Variants in CSMD1 observed in about 807,000 individuals in gnomAD.
CSMD1 encodes the protein CUB and sushi domain-containing protein 1.
In CSMD1, 213 loss-of-function variants were observed where a neutral mutation model predicts 417.5. That is an observed-to-expected ratio of 0.51 (90% CI 0.46 to 0.57). CSMD1 has a LOEUF of 0.57. CSMD1 is among the 20% of genes least tolerant of loss of function. CSMD1 has a pLI of 0.00. For synonymous variants in CSMD1, 2,862 were observed against 1,736.8 expected (o/e 1.65, Z -16.11); for missense variants, 6,923 against 4,529.7 (o/e 1.53, Z -15.17).
chr8:4,400,338 G>A (rs192170842), intron 3 of CSMD1, among the ~76,000 whole-genome samples: 1 of 152,340 alleles, frequency 6.6e-6, no homozygotes, highest in African/African-American at 2.4e-5. Flanking sequence ...TGTTTTGTGT[G>A]TGTTATAAAT....
chr8:4,151,188 TTC>T (rs1468298906), intron 3 of CSMD1, among the ~76,000 whole-genome samples: 3 of 152,324 alleles, frequency 2.0e-5, no homozygotes, highest in African/African-American at 4.8e-5. Context: ...GCAAAATCCT[TTC>T]TGTTACCATA....
At chr8:4,026,724 T>C (rs1464432192) in intron 4 of CSMD1, among the ~76,000 whole-genome samples, 1 of 152,212 alleles carries the variant, frequency 6.6e-6, no homozygotes, top group Non-Finnish European at 1.5e-5. Context: ...GGGACTTCTT[T>C]TTTCCTTAAA....
chr8:3,745,993 C>G (rs1364853237), intron 6 of CSMD1, among the ~76,000 whole-genome samples: 2 of 152,154 alleles, frequency 1.3e-5, no homozygotes, highest in Admixed American at 1.3e-4. Context: ...CTTTGGTGGA[C>G]AACTTCCTCA....
chr8:3,671,582 TATA>T (rs1391392157), intron 7 of CSMD1, among the ~76,000 whole-genome samples: 1 of 109,750 alleles, frequency 9.1e-6, no homozygotes, highest in Non-Finnish European at 1.9e-5. Flanking sequence ...TATATATATA[TATA>T]TATATATATG....
intron 9 of CSMD1, among the ~76,000 whole-genome samples, chr8:3,585,548 G>A (rs1330197716): frequency 2.0e-5 from 3 of 152,052 alleles, no homozygotes; most frequent in African/African-American, 4.8e-5. Context: ...AAGAATTTGT[G>A]TATACTTCAT....
chr8:4,057,251 T>A (rs546432513), intron 3 of CSMD1, among the ~76,000 whole-genome samples: 1 of 152,182 alleles, frequency 6.6e-6, no homozygotes, highest in African/African-American at 2.4e-5. Context: ...GGTATCTCAT[T>A]GTGGTTTTGA....
At chr8:3,560,827 T>C (rs1432406916) in intron 10 of CSMD1, among the ~76,000 whole-genome samples, 1 of 152,188 alleles carries the variant, frequency 6.6e-6, no homozygotes, top group Non-Finnish European at 1.5e-5. Flanking sequence ...TATCCTTCTG[T>C]AACACAATGG....
intron 6 of CSMD1, among the ~76,000 whole-genome samples, chr8:3,748,814 G>C (rs1415092270): frequency 6.6e-6 from 1 of 152,192 alleles, no homozygotes; most frequent in African/African-American, 2.4e-5. Flanking sequence ...AAAATCAATA[G>C]TTATAGGGAA....
At chr8:4,970,221 C>T (rs1240200722) in intron 1 of CSMD1, among the ~76,000 whole-genome samples, 4 of 152,034 alleles carry the variant, frequency 2.6e-5, no homozygotes, top group East Asian at 3.9e-4. Context: ...TCTTACTCTG[C>T]CATTCATTCA....
intron 27 of CSMD1, among the ~76,000 whole-genome samples, chr8:3,227,700 C>T (rs1798595879): frequency 6.6e-6 from 1 of 151,414 alleles, no homozygotes; most frequent in Non-Finnish European, 1.5e-5. Flanking sequence ...ATATACACAC[C>T]ATGTACTGGT....
chr8:4,282,195 G>T (rs1467125646), intron 3 of CSMD1, among the ~76,000 whole-genome samples: 1 of 152,188 alleles, frequency 6.6e-6, no homozygotes, highest in East Asian at 1.9e-4. Context: ...GATCAATAGT[G>T]ATTTTTTGTG....
Position 4,895,035 on chromosome 8 carries a change from T to C in CSMD1, c.85+99297A>G, listed in dbSNP as rs6988845. On this transcript the variant is annotated intron_variant, in intron 1 of 69. Coordinates refer to ENST00000635120, the MANE Select transcript of CSMD1 (RefSeq NM_033225.6). Reference sequence around the variant, plus strand: ...ACTTCTCTTGACCTGAGTTTTTTCATTGATAAGAATATCTGTTTTGTTTCT... The same window carrying C: ...ACTTCTCTTGACCTGAGTTTTTTCACTGATAAGAATATCTGTTTTGTTTCT... Among the ~76,000 whole-genome samples the C allele has an allele frequency of 9.0e-3, 1,370 of 152,332 alleles. 25 individuals are homozygous for C. Among genetic ancestry groups the C allele is most frequent in the African/African-American group, 0.028 (1,182 of 41,542 alleles).
intron 3 of CSMD1, among the ~76,000 whole-genome samples, chr8:4,315,338 T>G (rs1798859625): frequency 6.6e-6 from 1 of 152,168 alleles, no homozygotes; most frequent in Non-Finnish European, 1.5e-5. Context: ...CTGCTGTTGC[T>G]GCACTGTGAG....
chr8:2,942,624 T>A lies in CSMD1; in HGVS notation c.10403-20A>T. On this transcript the variant is annotated intron_variant, in intron 68 of 69. Coordinates refer to ENST00000635120, the MANE Select transcript of CSMD1 (RefSeq NM_033225.6). The stretch of plus-strand genomic sequence containing the variant: ...AAGGATCTGTAAGATAAAGGAAATA[T>A]TAAATTTGTTGTTACTGTACTCTGC... 6.5e-7 allele frequency: 1 copy of A among 1,536,652 alleles called. No individual in the cohort carries two copies. The highest frequency in any genetic ancestry group is 8.8e-7 in the Non-Finnish European group (1 of 1,137,580).
At chr8:3,413,066 A>C (rs987478941) in intron 12 of CSMD1, among the ~76,000 whole-genome samples, 6 of 152,196 alleles carry the variant, frequency 3.9e-5, no homozygotes, top group African/African-American at 1.2e-4. Flanking sequence ...CAGTTTTCAC[A>C]TTATGAGCTT....
At chr8:3,971,006 C>A (rs115755717) in intron 5 of CSMD1, among the ~76,000 whole-genome samples, 2,414 of 152,278 alleles carry the variant, frequency 0.016, 52 homozygotes, top group African/African-American at 0.053. Flanking sequence ...CCGCCTCAGA[C>A]TCCCAAAGTA....
intron 3 of CSMD1, among the ~76,000 whole-genome samples, chr8:4,141,353 C>T (rs1263860126): frequency 6.6e-6 from 1 of 151,166 alleles, no homozygotes; most frequent in African/African-American, 2.5e-5. Context: ...GAAGTATGCT[C>T]ATGAAGCTTG....
chr8:3,224,822 C>A (rs1313680440), intron 27 of CSMD1, among the ~76,000 whole-genome samples: 2 of 152,122 alleles, frequency 1.3e-5, no homozygotes, highest in Admixed American at 6.6e-5. Flanking sequence ...TAAGGTTTCT[C>A]CTAAACCTCT....
At chr8:3,567,394 C>T (rs964143649) in intron 10 of CSMD1, among the ~76,000 whole-genome samples, 7 of 150,978 alleles carry the variant, frequency 4.6e-5, no homozygotes, top group African/African-American at 7.3e-5. Flanking sequence ...AACAAACCTG[C>T]ATGTGTATCC....
Sources: gnomAD v4.1 joint callset for allele counts (sites outside exome capture counted in the v4.1 genomes callset) on GRCh38, gnomAD v4.1.1 for gene constraint, MANE v1.5 for transcripts, NCBI Gene and HGNC (gene_info 2026-07-23, HGNC 2026-07-21) for gene names.